Variants in ZC3H12B observed in about 807,000 individuals in gnomAD.
The protein encoded by ZC3H12B is probable ribonuclease ZC3H12B.
A neutral mutation model predicts 43.9 loss-of-function variants in ZC3H12B; 7 were observed. The ratio of observed to expected loss-of-function variants is 0.16; its 90% CI spans 0.09 to 0.30. The LOEUF (loss-of-function observed/expected upper bound fraction) is 0.30. ZC3H12B is among the 10% of genes least tolerant of loss of function. The pLI is 1.00. For missense variants in ZC3H12B, 475 were observed against 670.2 expected, an observed-to-expected ratio of 0.71 and a Z score of 3.22; for synonymous variants, 222 against 241.7, an observed-to-expected ratio of 0.92 and a Z score of 0.76.
the ZC3H12B span, among the ~76,000 whole-genome samples, chrX:65,174,568 G>A: frequency 8.9e-6 from 1 of 111,775 alleles, no homozygotes; most frequent in African/African-American, 3.3e-5. Context: ...TTTCAGAGAT[G>A]CCCTGCCAGC....
At chrX:65,160,158 G>T in the ZC3H12B span, among the ~76,000 whole-genome samples, 1 of 111,669 alleles carries the variant, frequency 9.0e-6, no homozygotes, top group Non-Finnish European at 1.9e-5. Flanking sequence ...TGCTGGATTC[G>T]ATTTGCCAGT....
chrX:65,117,901 G>A, the ZC3H12B span, among the ~76,000 whole-genome samples: 7 of 111,037 alleles, frequency 6.3e-5, no homozygotes, highest in East Asian at 1.7e-3. Context: ...TGGAGGGTGT[G>A]TTCTGTTCCA....
intron 3 of ZC3H12B, among the ~76,000 whole-genome samples, chrX:65,460,704 T>C (rs1267060606): frequency 9.0e-6 from 1 of 111,682 alleles, no homozygotes; most frequent in African/African-American, 3.3e-5. Context: ...ATACTAAAAT[T>C]AATTCAAGAT....
intron 3 of ZC3H12B, among the ~76,000 whole-genome samples, chrX:65,480,172 G>A (rs1013180583): frequency 4.5e-5 from 5 of 112,120 alleles, no homozygotes; most frequent in African/African-American, 1.6e-4. Flanking sequence ...CATTCCCACT[G>A]ACATCATCAT....
chrX:65,156,799 C>T, the ZC3H12B span, among the ~76,000 whole-genome samples: 5 of 111,328 alleles, frequency 4.5e-5, no homozygotes, highest in East Asian at 5.7e-4. Flanking sequence ...CTTAGGCATG[C>T]GTCATCCTGC....
At chrX:65,164,670 G>C in the ZC3H12B span, among the ~76,000 whole-genome samples, 2 of 111,913 alleles carry the variant, frequency 1.8e-5, no homozygotes, top group Non-Finnish European at 3.8e-5. Context: ...AAGCAAGGTG[G>C]AGTCAGCTAT....
chrX:65,485,943 T>C (rs1805215120), upstream of ZC3H12B, among the ~76,000 whole-genome samples: 1 of 112,141 alleles, frequency 8.9e-6, no homozygotes, highest in Non-Finnish European at 1.9e-5. Flanking sequence ...TCAGTCCTCA[T>C]CTTATTTTAT....
intron 3 of ZC3H12B, among the ~76,000 whole-genome samples, chrX:65,442,993 G>T (rs1250976893): frequency 9.0e-6 from 1 of 110,647 alleles, no homozygotes; most frequent in South Asian, 3.9e-4. Context: ...AAAGATTTGG[G>T]GGGTCATTTT....
At chrX:65,071,368 G>C in the ZC3H12B span, among the ~76,000 whole-genome samples, 2 of 106,490 alleles carry the variant, frequency 1.9e-5, no homozygotes, top group African/African-American at 6.9e-5. Flanking sequence ...TGGAAGATGG[G>C]TCTCTTGAAA....
At chrX:65,174,918 G>GA in the ZC3H12B span, among the ~76,000 whole-genome samples, 127 of 93,797 alleles carry the variant, frequency 1.4e-3, no homozygotes, top group African/African-American at 2.1e-3. Flanking sequence ...GCCAATGGAG[G>GA]AAAAAAAAAC....
chrX:65,261,009 C>T, the ZC3H12B span, among the ~76,000 whole-genome samples: 1 of 111,870 alleles, frequency 8.9e-6, no homozygotes, highest in Non-Finnish European at 1.9e-5. Context: ...GTAATATTTT[C>T]TTTCTCTGCT....
At chrX:65,314,075 A>G in the ZC3H12B span, among the ~76,000 whole-genome samples, 8 of 111,513 alleles carry the variant, frequency 7.2e-5, no homozygotes, top group Non-Finnish European at 1.5e-4. Flanking sequence ...GATAGAAGGA[A>G]CTACCTTGGA....
upstream of ZC3H12B, chrX:65,488,611 A>G (rs981919820): frequency 2.5e-6 from 1 of 393,097 alleles, no homozygotes. Flanking sequence ...CCTAAAGTTT[A>G]CTAAATATGA....
the ZC3H12B span, among the ~76,000 whole-genome samples, chrX:65,347,907 T>A: frequency 3.6e-5 from 4 of 111,885 alleles, no homozygotes; most frequent in African/African-American, 1.3e-4. Context: ...CATGCAGCCA[T>A]AAAAAAACGA....
chrX:65,170,970 TG>T, the ZC3H12B span, among the ~76,000 whole-genome samples: 4 of 112,012 alleles, frequency 3.6e-5, no homozygotes, highest in Non-Finnish European at 5.6e-5. Context: ...TTATTTGTGA[TG>T]GGTTAGAACA....
chrX:65,065,734 A>G, the ZC3H12B span, among the ~76,000 whole-genome samples: 1 of 110,062 alleles, frequency 9.1e-6, no homozygotes, highest in Non-Finnish European at 1.9e-5. Context: ...CTTGAAGTGT[A>G]TTTTTCAACT....
At chrX:65,427,284 G>A (rs926027233) in intron 3 of ZC3H12B, among the ~76,000 whole-genome samples, 10 of 110,584 alleles carry the variant, frequency 9.0e-5, no homozygotes, top group African/African-American at 3.3e-4. Flanking sequence ...TGCAAATCCT[G>A]TTTTTTTTCT....
At chrX:65,454,223 G>A (rs2067568724) in intron 3 of ZC3H12B, among the ~76,000 whole-genome samples, 1 of 112,483 alleles carries the variant, frequency 8.9e-6, no homozygotes, top group Non-Finnish European at 1.9e-5. Context: ...AAGGGGTCAG[G>A]GAACTCCCTT....
chrX:65,353,676 C>G, the ZC3H12B span, among the ~76,000 whole-genome samples: 1 of 112,069 alleles, frequency 8.9e-6, no homozygotes, highest in South Asian at 3.7e-4. Flanking sequence ...ATCAGCGGAT[C>G]CCATCACCAT....
Sources: gnomAD v4.1 joint callset for allele counts (sites outside exome capture counted in the v4.1 genomes callset) on GRCh38, gnomAD v4.1.1 for gene constraint, MANE v1.5 for transcripts, NCBI Gene and HGNC (gene_info 2026-07-23, HGNC 2026-07-21) for gene names.